Variants in PLCL2 observed in about 807,000 individuals in gnomAD.
PLCL2 encodes phospholipase C like 2.
In PLCL2, 4 loss-of-function variants were observed where a neutral mutation model predicts 79.6. The ratio of observed to expected loss-of-function variants is 0.05; its 90% confidence interval spans 0.02 to 0.11. PLCL2 has a LOEUF of 0.11. PLCL2 is among the 10% of genes least tolerant of loss of function. The pLI is 1.00. For synonymous variants in PLCL2, 484 were observed against 457.7 expected (o/e 1.06, Z -0.73); for missense variants, 895 against 1,291.0 (o/e 0.69, Z 4.70).
At chr3:16,946,950 A>ATTTTTTTTTTT (rs1368093455) in intron 1 of PLCL2, among the ~76,000 whole-genome samples, 1 of 76,992 alleles carries the variant, frequency 1.3e-5, no homozygotes, top group Non-Finnish European at 2.5e-5. Context: ...TTAAAGTTTC[A>ATTTTTTTTTTT]TTCTTTTTTT....
At chr3:16,950,916 T>C (rs1223341445) in intron 1 of PLCL2, among the ~76,000 whole-genome samples, 1 of 152,164 alleles carries the variant, frequency 6.6e-6, no homozygotes, top group African/African-American at 2.4e-5. Context: ...TATTTAGGCC[T>C]TCTGAATCTT....
intron 3 of PLCL2, among the ~76,000 whole-genome samples, chr3:17,021,444 G>A (rs1288757010): frequency 1.3e-5 from 2 of 152,154 alleles, no homozygotes; most frequent in African/African-American, 4.8e-5. Context: ...ACCACACAGT[G>A]ATCGGGAGCT....
chr3:16,963,709 A>T (rs886185036), intron 1 of PLCL2, among the ~76,000 whole-genome samples: 16 of 152,226 alleles, frequency 1.1e-4, no homozygotes, highest in Admixed American at 1.0e-3. Context: ...ATCATCTCTC[A>T]GAATAACCTA....
At chr3:16,942,117 C>A (rs2063553258) in intron 1 of PLCL2, among the ~76,000 whole-genome samples, 1 of 152,160 alleles carries the variant, frequency 6.6e-6, no homozygotes. Flanking sequence ...TGAAAAGTTA[C>A]TTCTCTGAGT....
At chr3:16,957,347 G>A (rs1358198355) in intron 1 of PLCL2, among the ~76,000 whole-genome samples, 1 of 152,180 alleles carries the variant, frequency 6.6e-6, no homozygotes, top group Non-Finnish European at 1.5e-5. Context: ...TTTTGAGTGA[G>A]TTTCTTAATC....
In PLCL2 at chr3:17,084,700, CA is replaced by C. The variant is rs542561916; in HGVS notation, c.3205-5026del. The stretch of plus-strand genomic sequence containing the variant: ...AAGCTCGTGGTTGTATCAGTAGATG[CA>C]AAAAAAGTTTGACAAAATTCAACTC... On this transcript the variant is annotated intron_variant, in intron 5 of 5. Transcript: ENST00000615277. Among the ~76,000 whole-genome samples the C allele has an allele frequency of 2.8e-3, 433 of 152,116 alleles. 3 individuals carry two copies. The highest frequency in any genetic ancestry group is 0.01 in the African/African-American group (416 of 41,518).
At chr3:17,070,936 G>C (rs1445980837) in intron 5 of PLCL2, among the ~76,000 whole-genome samples, 3 of 152,096 alleles carry the variant, frequency 2.0e-5, no homozygotes, top group African/African-American at 7.2e-5. Context: ...AACAGTCCAA[G>C]GCTTGAGAAT....
intron 1 of PLCL2, among the ~76,000 whole-genome samples, chr3:16,980,391 C>A (rs1327998935): frequency 6.8e-6 from 1 of 148,048 alleles, no homozygotes; most frequent in Non-Finnish European, 1.5e-5. Context: ...GGGCGGCTGC[C>A]GGCCGGAGGG....
chr3:16,933,050 A>G (rs1244414167), intron 1 of PLCL2: 1 of 153,464 alleles, frequency 6.5e-6, no homozygotes, highest in Admixed American at 6.5e-5. Context: ...CCACTTTGTG[A>G]GAAGAAACTG....
In PLCL2 at chr3:17,011,355, G is replaced by C; in HGVS notation, c.2009G>C (p.Arg670Pro). ...NPGDFVNYNK[R>P]FLARVFPSPM... ...GGGGACTTTGTAAATTACAACAAAC[G>C]TTTTCTTGCTAGGGTTTTTCCCAGT... Residue 670 changes from arginine to proline, a missense_variant, in exon 2 of 6, where the codon CGT (arginine) becomes CCT (proline). This residue lies in a region of PLCL2 where 242 missense variants were observed against 399.5 expected (regional missense o/e 0.61). Transcript: ENST00000615277. This position sits in a 1 kb window ranked among gnomAD's most constrained non-coding sequence, Gnocchi z 7.9. 6.2e-7 allele frequency: 1 copy of C among 1,614,056 alleles called. No homozygotes were observed. Among genetic ancestry groups the C allele is most frequent in the South Asian group, 1.1e-5 (1 of 91,076 alleles).
chr3:17,006,148 A>G (rs1477727599), intron 1 of PLCL2, among the ~76,000 whole-genome samples: 1 of 152,220 alleles, frequency 6.6e-6, no homozygotes, highest in Non-Finnish European at 1.5e-5. Context: ...ACTAACTTGC[A>G]TTACAAGGCA....
chr3:17,019,118 A>G (rs1351594440), intron 3 of PLCL2, among the ~76,000 whole-genome samples: 1 of 152,228 alleles, frequency 6.6e-6, no homozygotes, highest in Admixed American at 6.5e-5. Flanking sequence ...ACTTCAGTGA[A>G]ACATCGGCCT....
At chr3:17,082,067 T>C (rs1486947112) in intron 5 of PLCL2, among the ~76,000 whole-genome samples, 1 of 152,050 alleles carries the variant, frequency 6.6e-6, no homozygotes, top group African/African-American at 2.4e-5. Context: ...TAAGTAACCT[T>C]TGCTCTTTTC....
intron 1 of PLCL2, among the ~76,000 whole-genome samples, chr3:16,948,457 G>C (rs2063621418): frequency 6.6e-6 from 1 of 152,130 alleles, no homozygotes; most frequent in Non-Finnish European, 1.5e-5. Flanking sequence ...GGTGATGATT[G>C]CAGAACTCTG....
chr3:17,076,161 C>G (rs2065106772), intron 5 of PLCL2, among the ~76,000 whole-genome samples: 1 of 152,114 alleles, frequency 6.6e-6, no homozygotes, highest in Non-Finnish European at 1.5e-5. Context: ...TTAGTTGCAC[C>G]ACATCCTTGT....
intron 1 of PLCL2, among the ~76,000 whole-genome samples, chr3:16,996,004 C>T (rs1050181986): frequency 2.0e-5 from 3 of 152,082 alleles, no homozygotes; most frequent in African/African-American, 7.2e-5. Context: ...TAGGATGGGG[C>T]CACATTTGGA....
intron 1 of PLCL2, among the ~76,000 whole-genome samples, chr3:16,957,104 C>T (rs981829012): frequency 1.7e-4 from 26 of 152,036 alleles, no homozygotes; most frequent in Non-Finnish European, 2.9e-5. Context: ...TTTTCTAGTT[C>T]TTTTAATTGT....
intron 1 of PLCL2, among the ~76,000 whole-genome samples, chr3:16,942,081 A>T (rs2063553099): frequency 6.6e-6 from 1 of 152,204 alleles, no homozygotes; most frequent in African/African-American, 2.4e-5. Context: ...AAGTATGTGA[A>T]TTCCTAGGAT....
At chr3:16,958,482 A>T (rs1456401890) in intron 1 of PLCL2, among the ~76,000 whole-genome samples, 1 of 152,218 alleles carries the variant, frequency 6.6e-6, no homozygotes, top group East Asian at 1.9e-4. Flanking sequence ...AAGCAAAAAA[A>T]TTCCATCTGC....
Sources: gnomAD v4.1 joint callset for allele counts (sites outside exome capture counted in the v4.1 genomes callset) on GRCh38, gnomAD v4.1.1 for gene constraint, gnomAD v4.1.1 regional missense constraint, Gnocchi (gnomAD v3.1) non-coding constraint, MANE v1.5 for transcripts, NCBI Gene and HGNC (gene_info 2026-07-23, HGNC 2026-07-21) for gene names.